CALN1: variants seen among roughly 807,000 people sequenced by gnomAD.
The protein encoded by CALN1 is calneuron 1.
In CALN1, 17 loss-of-function variants were observed where a neutral mutation model predicts 30.6. That is an observed-to-expected ratio of 0.56 (90% CI 0.38 to 0.83). The LOEUF (loss-of-function observed/expected upper bound fraction) is 0.83. Ranked by LOEUF, CALN1 falls within the 40% of genes least tolerant of loss-of-function variation. The pLI, the probability that CALN1 is intolerant of heterozygous loss-of-function variation, is 0.00. For synonymous variants in CALN1, 156 were observed against 131.4 expected (o/e 1.19, Z -1.28); for missense variants, 291 against 354.9 (o/e 0.82, Z 1.45).
intron 3 of CALN1, among the ~76,000 whole-genome samples, chr7:72,207,362 C>T (rs1412738590): frequency 6.6e-6 from 1 of 152,176 alleles, no homozygotes; most frequent in Non-Finnish European, 1.5e-5. Flanking sequence ...ATGTCCCTCC[C>T]TTGAACACCC....
At chr7:71,873,092 C>T (rs1792038440) in intron 5 of CALN1, among the ~76,000 whole-genome samples, 1 of 149,414 alleles carries the variant, frequency 6.7e-6, no homozygotes, top group South Asian at 2.1e-4. Flanking sequence ...CAGCCTTTGC[C>T]TCCCGGATTC....
intron 3 of CALN1, among the ~76,000 whole-genome samples, chr7:72,213,664 G>A (rs1332572739): frequency 2.0e-5 from 3 of 152,190 alleles, no homozygotes; most frequent in Non-Finnish European, 4.4e-5. Context: ...CAAGAGTGAT[G>A]GTATAGGGTT....
chr7:72,465,472 G>A, the CALN1 span, among the ~76,000 whole-genome samples: 7,647 of 152,204 alleles, frequency 0.05, 236 homozygotes, highest in African/African-American at 0.067. Context: ...GCTTTAAGAC[G>A]TGGCCTGTGT....
At chr7:72,061,499 C>G (rs2129537009) in intron 4 of CALN1, among the ~76,000 whole-genome samples, 1 of 150,786 alleles carries the variant, frequency 6.6e-6, no homozygotes, top group Non-Finnish European at 1.5e-5. Context: ...ATAAACAAGA[C>G]TACAATGAAA....
chr7:71,859,419 G>A (rs1791145203), intron 5 of CALN1, among the ~76,000 whole-genome samples: 1 of 152,166 alleles, frequency 6.6e-6, no homozygotes, highest in Non-Finnish European at 1.5e-5. Flanking sequence ...ATGTTGATGT[G>A]TTTCTATCAC....
intron 2 of CALN1, among the ~76,000 whole-genome samples, chr7:72,320,678 T>C (rs1800810403): frequency 6.6e-6 from 1 of 151,438 alleles, no homozygotes. Context: ...CTACTAAAAA[T>C]ACAAAAATTA....
At chr7:71,880,664 C>A (rs1250517682) in intron 5 of CALN1, among the ~76,000 whole-genome samples, 1 of 152,108 alleles carries the variant, frequency 6.6e-6, no homozygotes. Context: ...AACTTAAGTT[C>A]AAAATGTAGT....
chr7:72,068,858 A>G (rs1307890431), intron 4 of CALN1, among the ~76,000 whole-genome samples: 3 of 152,196 alleles, frequency 2.0e-5, no homozygotes, highest in East Asian at 1.9e-4. Flanking sequence ...CAAGATGATT[A>G]AAGAAAAAAT....
chr7:71,885,301 G>T (rs906489565), intron 5 of CALN1, among the ~76,000 whole-genome samples: 4 of 152,126 alleles, frequency 2.6e-5, no homozygotes, highest in Non-Finnish European at 5.9e-5. Context: ...ACAGGCGCCT[G>T]CCACCACACC....
intron 3 of CALN1, among the ~76,000 whole-genome samples, chr7:72,118,548 T>C (rs1003414931): frequency 2.0e-5 from 3 of 152,204 alleles, no homozygotes; most frequent in African/African-American, 7.2e-5. Flanking sequence ...GATTTTAGCA[T>C]GCCAGGTAGG....
At chr7:72,214,954 A>G (rs1053937953) in intron 3 of CALN1, among the ~76,000 whole-genome samples, 22 of 151,698 alleles carry the variant, frequency 1.5e-4, no homozygotes, top group Non-Finnish European at 1.2e-4. Flanking sequence ...TTGCAGGAAA[A>G]CAAGCTCAGG....
At chr7:72,110,185 C>T (rs1162873955) in intron 3 of CALN1, among the ~76,000 whole-genome samples, 2 of 152,136 alleles carry the variant, frequency 1.3e-5, no homozygotes, top group African/African-American at 4.8e-5. Flanking sequence ...TGCCCTAGAC[C>T]TTACAGGTAA....
chr7:72,125,987 G>A (rs776589650), intron 3 of CALN1, among the ~76,000 whole-genome samples: 1 of 151,876 alleles, frequency 6.6e-6, no homozygotes, highest in African/African-American at 2.4e-5. Context: ...CTTTAGTAGA[G>A]ATGAGGTTTC....
chr7:71,968,635 G>A (rs562242618), intron 5 of CALN1, among the ~76,000 whole-genome samples: 13 of 152,142 alleles, frequency 8.5e-5, no homozygotes, highest in African/African-American at 2.4e-4. Context: ...GCCCATCTCC[G>A]CCTCCCAAAG....
chr7:72,485,826 G>A, the CALN1 span, among the ~76,000 whole-genome samples: 7 of 151,994 alleles, frequency 4.6e-5, no homozygotes, highest in South Asian at 4.2e-4. Context: ...AGGTGAGATC[G>A]CACCACTGCA....
At chr7:71,906,912 T>C (rs913008282) in intron 5 of CALN1, among the ~76,000 whole-genome samples, 2 of 152,132 alleles carry the variant, frequency 1.3e-5, no homozygotes, top group Non-Finnish European at 2.9e-5. Context: ...AAAGGCTGCA[T>C]GTAATGTTCA....
At chr7:72,445,057 A>AACACACACACAC (rs4029789) in intron 1 of CALN1, among the ~76,000 whole-genome samples, 21 of 138,944 alleles carry the variant, frequency 1.5e-4, no homozygotes, top group East Asian at 6.4e-4. Context: ...CAGTGAATTA[A>AACACACACACAC]ACACACACAC....
At chr7:72,268,296 A>T (rs1796727309) in intron 3 of CALN1, among the ~76,000 whole-genome samples, 1 of 152,080 alleles carries the variant, frequency 6.6e-6, no homozygotes, top group Non-Finnish European at 1.5e-5. Context: ...GCAGCAGGGG[A>T]TCGTGTGGAG....
intron 3 of CALN1, among the ~76,000 whole-genome samples, chr7:72,166,036 A>G (rs1788499566): frequency 6.6e-6 from 1 of 152,142 alleles, no homozygotes; most frequent in Non-Finnish European, 1.5e-5. Context: ...ATGCTTTGCT[A>G]CAGAGGCTAG....
Sources: allele counts gnomAD v4.1 joint callset (sites outside exome capture counted in the v4.1 genomes callset), GRCh38; gene constraint gnomAD v4.1.1; transcripts MANE v1.5; gene names NCBI Gene and HGNC (gene_info 2026-07-23, HGNC 2026-07-21).